GJB7: variants seen among roughly 807,000 people sequenced by gnomAD.
GJB7 encodes gap junction beta-7 protein.
For synonymous variants in GJB7, 87 were observed against 95.2 expected (o/e 0.91, Z 0.50); for missense variants, 253 against 256.8 (o/e 0.99, Z 0.10).
chr6:87,308,374 AT>A (rs1196920485), intron 2 of GJB7, among the ~76,000 whole-genome samples: 1 of 152,228 alleles, frequency 6.6e-6, no homozygotes, highest in African/African-American at 2.4e-5. Flanking sequence ...TTAAAGTATA[AT>A]AAAAAAATCA....
intron 2 of GJB7, among the ~76,000 whole-genome samples, chr6:87,290,493 C>G (rs1440657460): frequency 6.6e-6 from 1 of 150,444 alleles, no homozygotes; most frequent in Non-Finnish European, 1.5e-5. Flanking sequence ...TTTCCCAAAC[C>G]CAGGATCTGT....
intron 2 of GJB7, among the ~76,000 whole-genome samples, chr6:87,314,993 T>C (rs1277416877): frequency 2.6e-5 from 4 of 152,208 alleles, no homozygotes; most frequent in Non-Finnish European, 5.9e-5. Context: ...TCAGAGACGA[T>C]AGCTCTCTCA....
At chr6:87,317,227 G>T (rs1776596734) in intron 2 of GJB7, among the ~76,000 whole-genome samples, 1 of 151,572 alleles carries the variant, frequency 6.6e-6, no homozygotes, top group African/African-American at 2.4e-5. Flanking sequence ...AGCCGGGCAT[G>T]ATGGCACACG....
chr6:87,291,042 G>A (rs1776162158), intron 2 of GJB7, among the ~76,000 whole-genome samples: 1 of 152,172 alleles, frequency 6.6e-6, no homozygotes, highest in Admixed American at 6.5e-5. Flanking sequence ...TAGTTTGATT[G>A]GAGACGAGTG....
intron 2 of GJB7, among the ~76,000 whole-genome samples, chr6:87,291,339 C>A (rs140233166): frequency 4.6e-5 from 7 of 152,198 alleles, no homozygotes; most frequent in Admixed American, 3.3e-4. Flanking sequence ...AAAAACACTT[C>A]GACACTAGGA....
chr6:87,298,466 T>C (rs916942472), intron 2 of GJB7, among the ~76,000 whole-genome samples: 1 of 152,200 alleles, frequency 6.6e-6, no homozygotes, highest in Non-Finnish European at 1.5e-5. Context: ...GAAGTCCTGG[T>C]ACATACCCCA....
intron 2 of GJB7, among the ~76,000 whole-genome samples, chr6:87,302,947 G>A (rs1480379338): frequency 3.9e-5 from 6 of 152,242 alleles, no homozygotes; most frequent in Admixed American, 3.3e-4. Context: ...AAGTGAAGGA[G>A]AAATAAAATC....
intron 2 of GJB7, chr6:87,322,460 A>T (rs1036348082): frequency 4.6e-5 from 7 of 152,258 alleles, no homozygotes; most frequent in Non-Finnish European, 8.8e-5. Context: ...TCAGAACCGG[A>T]AAGGCTAGCA....
At chr6:87,297,703 G>T (rs1415715306) in intron 2 of GJB7, among the ~76,000 whole-genome samples, 2 of 152,176 alleles carry the variant, frequency 1.3e-5, no homozygotes, top group African/African-American at 4.8e-5. Context: ...TAGTCTAGTA[G>T]ATTATAGAAA....
At chr6:87,299,013 TA>T (rs1348864171) in intron 2 of GJB7, 17 of 489,710 alleles carry the variant, frequency 3.5e-5, no homozygotes, top group Non-Finnish European at 4.5e-5. Context: ...TCAATTGATG[TA>T]AAGGATAAAC....
At chr6:87,308,629 G>C (rs556196694) in intron 2 of GJB7, among the ~76,000 whole-genome samples, 53 of 151,982 alleles carry the variant, frequency 3.5e-4, no homozygotes, top group Non-Finnish European at 3.7e-4. Context: ...GAGAAAATAG[G>C]GAGAAATAAT....
chr6:87,320,694 G>T (rs1776644429), intron 2 of GJB7, among the ~76,000 whole-genome samples: 2 of 152,166 alleles, frequency 1.3e-5, no homozygotes, highest in African/African-American at 4.8e-5. Flanking sequence ...AAAGCAGCGT[G>T]GGGGTGGGCT....
chr6:87,303,698 C>A (rs1348799205), intron 2 of GJB7, among the ~76,000 whole-genome samples: 2 of 152,196 alleles, frequency 1.3e-5, no homozygotes, highest in African/African-American at 2.4e-5. Context: ...ACAGAACTCT[C>A]CACCCCAAAT....
intron 1 of GJB7, among the ~76,000 whole-genome samples, chr6:87,325,466 T>G (rs1373757221): frequency 7.9e-6 from 1 of 126,286 alleles, no homozygotes; most frequent in East Asian, 2.2e-4. Flanking sequence ...ATTGAGAGTT[T>G]TTAGCATGAA....
chr6:87,305,812 C>T (rs1355537476), intron 2 of GJB7, among the ~76,000 whole-genome samples: 2 of 152,210 alleles, frequency 1.3e-5, no homozygotes, highest in Non-Finnish European at 2.9e-5. Context: ...CAGCATGGTA[C>T]TGGTACCAAA....
intron 1 of GJB7, among the ~76,000 whole-genome samples, chr6:87,327,091 C>A (rs1222199371): frequency 2.0e-5 from 3 of 151,268 alleles, no homozygotes; most frequent in Non-Finnish European, 4.4e-5. Flanking sequence ...GATTGCAACC[C>A]CTGCTTTTTT....
At chr6:87,328,844 C>G (rs898342048) in intron 1 of GJB7, among the ~76,000 whole-genome samples, 6 of 152,212 alleles carry the variant, frequency 3.9e-5, no homozygotes, top group Non-Finnish European at 7.3e-5. Flanking sequence ...GGCGCCCCTC[C>G]CCCAGCCTCA....
At position 87,284,232 on chromosome 6, in the gene GJB7, C is replaced by T; in HGVS notation, c.*9G>A. ...CCTACCACATTCAACATATCTGAGGCTGTGGCACTCACACACTGAGGACTT... is the reference window on the plus strand; with the variant it reads ...CCTACCACATTCAACATATCTGAGGTTGTGGCACTCACACACTGAGGACTT... On this transcript the variant is annotated 3_prime_UTR_variant, in exon 3 of 3. Transcript: ENST00000525899. 1 of 1,606,068 alleles carries T rather than the reference C, an allele frequency of 6.2e-7. No homozygotes were observed. Among genetic ancestry groups the T allele is most frequent in the Non-Finnish European group, 8.5e-7 (1 of 1,174,942 alleles).
At position 87,317,971 on chromosome 6, in the gene GJB7, T is replaced by C. The variant is rs369604641; in HGVS notation, c.-28+4895A>G. ...AAGACTTTAAATAATATAGAATAAA[T>C]TATTATTATTTCTAATATTTCAAAA... On this transcript the variant is annotated intron_variant, in intron 2 of 2. Transcript: ENST00000525899. Among the ~76,000 whole-genome samples, 16 of 152,148 alleles carry C rather than the reference T, an allele frequency of 1.1e-4. No homozygotes were observed. The South Asian group carries it at 3.3e-3, about 32-fold the overall frequency.
Sources: allele counts gnomAD v4.1 joint callset (sites outside exome capture counted in the v4.1 genomes callset), GRCh38; gene constraint gnomAD v4.1.1; transcripts MANE v1.5; gene names NCBI Gene and HGNC (gene_info 2026-07-23, HGNC 2026-07-21).